Variants in GML observed in about 807,000 individuals in gnomAD.
The protein encoded by GML is glycosyl-phosphatidylinositol-anchored molecule-like protein.
Under a neutral mutation model 8.2 loss-of-function variants are expected in GML, and 5 were observed. That is an observed-to-expected ratio of 0.61 (90% CI 0.32 to 1.28). The LOEUF (loss-of-function observed/expected upper bound fraction) is 1.28, where lower values mean the gene tolerates loss of function less well. Among genes scored for constraint, GML ranks in the 50% most tolerant of loss-of-function variants. GML has a pLI of 0.06. For synonymous variants in GML, 72 were observed against 69.0 expected (o/e 1.04, Z -0.22); for missense variants, 191 against 198.3 (o/e 0.96, Z 0.22).
intron 3 of GML, among the ~76,000 whole-genome samples, chr8:142,844,688 A>C (rs1327758907): frequency 1.3e-5 from 2 of 152,232 alleles, no homozygotes; most frequent in Non-Finnish European, 2.9e-5. Flanking sequence ...TAACATACAT[A>C]AGAAAAGTTG....
chr8:142,843,232 C>G (rs895127068), intron 3 of GML, among the ~76,000 whole-genome samples: 1 of 130,672 alleles, frequency 7.7e-6, no homozygotes, highest in African/African-American at 2.9e-5. Context: ...AAACCTAAAA[C>G]TATTTTTAAA....
chr8:142,835,229 A>G (rs1858664), intron 1 of GML, among the ~76,000 whole-genome samples: 70,328 of 151,302 alleles, frequency 0.46, 17,832 homozygotes, highest in East Asian at 0.78. Flanking sequence ...AGACCCCCCA[A>G]CTATGCTCAG....
At position 142,846,650 on chromosome 8, in the gene GML, TG is replaced by T; in HGVS notation, c.438del (p.Ser147ValfsTer6). 6.2e-7 allele frequency: 1 copy of T among 1,614,078 alleles called. No individual in the cohort carries two copies. Among genetic ancestry groups the T allele is most frequent in the African/African-American group, 1.3e-5 (1 of 75,052 alleles). ...AGGCTGGGGGTATCAAAACTGTTGC[TG>T]AGTTTTGCCTCTATCATAGTCAGCA... ...TVRLGVSKLL[L>X]SFASIIVSNI... On this transcript the variant is annotated frameshift_variant, in exon 4 of 4. Coordinates refer to ENST00000220940, the MANE Select transcript of GML (RefSeq NM_002066.3). LOFTEE classifies it low-confidence loss of function (END_TRUNC).
In GML at chr8:142,838,524, A is replaced by G. The variant is rs77822811; in HGVS notation, c.-22-1892A>G. Among the ~76,000 whole-genome samples the G allele has an allele frequency of 5.2e-3, 797 of 152,152 alleles. 5 individuals are homozygous for G. Among genetic ancestry groups the G allele is most frequent in the African/African-American group, 0.017 (717 of 41,488 alleles). ...GTGGTTTTTGTGTCTGGGGTTTATG[A>G]TCACACAGTCATACACGTTCTAACT... On this transcript the variant is annotated intron_variant, in intron 1 of 3. Coordinates refer to ENST00000220940, the MANE Select transcript of GML (RefSeq NM_002066.3).
chr8:142,842,246 C>T (rs959030687), intron 3 of GML, among the ~76,000 whole-genome samples: 1 of 152,204 alleles, frequency 6.6e-6, no homozygotes, highest in African/African-American at 2.4e-5. Flanking sequence ...GAGGCCTCCC[C>T]AGCCACGCGG....
At chr8:142,836,593 T>G (rs1455899163) in intron 1 of GML, among the ~76,000 whole-genome samples, 1 of 152,266 alleles carries the variant, frequency 6.6e-6, no homozygotes, top group East Asian at 1.9e-4. Context: ...TTCCTAATTC[T>G]TACATATCCT....
intron 1 of GML, among the ~76,000 whole-genome samples, chr8:142,835,801 C>A (rs567152007): frequency 3.5e-4 from 53 of 152,304 alleles, no homozygotes; most frequent in African/African-American, 1.3e-3. Context: ...TCCTTGTCAC[C>A]TCTTGCAATG....
intron 1 of GML, among the ~76,000 whole-genome samples, chr8:142,838,559 C>G (rs534927465): frequency 6.6e-6 from 1 of 152,182 alleles, no homozygotes; most frequent in Non-Finnish European, 1.5e-5. Flanking sequence ...TCCAGACTGA[C>G]TGTTGAGAAA....
intron 3 of GML, 81 bp from the exon 4 acceptor site, chr8:142,846,314 T>G (rs1294073621): frequency 1.2e-6 from 1 of 848,228 alleles, no homozygotes; most frequent in African/African-American, 1.7e-5. Flanking sequence ...TAATTATGGT[T>G]GAATGTGAGG....
chr8:142,842,246 C>A (rs959030687), intron 3 of GML, among the ~76,000 whole-genome samples: 3 of 152,204 alleles, frequency 2.0e-5, no homozygotes, highest in Non-Finnish European at 4.4e-5. Context: ...GAGGCCTCCC[C>A]AGCCACGCGG....
In GML at chr8:142,846,434, C is replaced by T. The variant is rs781312085; in HGVS notation, c.221C>T (p.Thr74Ile). 1 of 1,611,636 alleles carries T rather than the reference C, an allele frequency of 6.2e-7. No individual in the cohort carries two copies. Among genetic ancestry groups the T allele is most frequent in the South Asian group, 1.1e-5 (1 of 91,028 alleles). Reference sequence around the variant, plus strand: ...GAACTACTTGTTTATAAGAACTGTACAAACAACTGCACATTTGTATATGCA... The same window carrying T: ...GAACTACTTGTTTATAAGAACTGTATAAACAACTGCACATTTGTATATGCA... ...SRELLVYKNC[T>I]NNCTFVYAAE... The change falls in exon 4 of 4, where the codon ACA becomes ATA. Residue 74 changes from threonine (T) to isoleucine (I), a missense_variant. Coordinates refer to ENST00000220940, the MANE Select transcript of GML (RefSeq NM_002066.3).
chr8:142,837,164 T>C (rs1264392301), intron 1 of GML, among the ~76,000 whole-genome samples: 4 of 151,988 alleles, frequency 2.6e-5, no homozygotes, highest in Non-Finnish European at 5.9e-5. Flanking sequence ...CGTAGTGGCG[T>C]GCGCCCATAG....
At chr8:142,837,696 C>T (rs1286661258) in intron 1 of GML, among the ~76,000 whole-genome samples, 1 of 145,054 alleles carries the variant, frequency 6.9e-6, no homozygotes, top group Admixed American at 6.9e-5. Context: ...TTGACTTTCC[C>T]CTTGAACCTC....
Position 142,846,399 on chromosome 8 carries a change from A to G in GML, c.186A>G (p.Ile62Met). ...CATTGCTGCTTCTTTTTTTAGGCAT[A>G]AATTCTCGTGAACTACTTGTTTATA... ...IRRCMTISIRINSRELLVYKN... is the reference protein window; with the variant it reads ...IRRCMTISIRMNSRELLVYKN... The change falls in exon 4 of 4, where the codon ATA (isoleucine) becomes ATG (methionine). Residue 62 changes from isoleucine (I) to methionine (M), a missense_variant. By Grantham distance (10) the Ile-to-Met change is conservative. Coordinates refer to ENST00000220940, the MANE Select transcript of GML (RefSeq NM_002066.3). 1.9e-6 allele frequency: 3 copies of G among 1,582,068 alleles called. No individual in the cohort carries two copies. In the South Asian group the frequency reaches 3.5e-5, roughly 18 times the overall value.
At chr8:142,838,415 G>A (rs763669791) in intron 1 of GML, among the ~76,000 whole-genome samples, 2 of 152,094 alleles carry the variant, frequency 1.3e-5, no homozygotes, top group Non-Finnish European at 2.9e-5. Flanking sequence ...CCGGAGACTC[G>A]GGGTCTGAGT....
In GML at chr8:142,846,380, T is replaced by G. The variant is rs1476006448; in HGVS notation, c.182-15T>G. 6.5e-7 allele frequency: 1 copy of G among 1,548,378 alleles called. No individual in the cohort carries two copies. The highest frequency in any genetic ancestry group is 8.9e-7 in the Non-Finnish European group (1 of 1,128,618). On this transcript the variant is annotated splice_polypyrimidine_tract_variant and intron_variant, in intron 3 of 3. Transcript: ENST00000220940. Reference sequence around the variant, plus strand: ...ATGTGAAATCAATTATTTTCATTGCTGCTTCTTTTTTTAGGCATAAATTCT... The same window carrying G: ...ATGTGAAATCAATTATTTTCATTGCGGCTTCTTTTTTTAGGCATAAATTCT...
chr8:142,837,006 G>T (rs1287177249), intron 1 of GML, among the ~76,000 whole-genome samples: 1 of 152,196 alleles, frequency 6.6e-6, no homozygotes, highest in East Asian at 1.9e-4. Context: ...CAAAGAGAAG[G>T]ATTTTTAAAA....
intron 3 of GML, among the ~76,000 whole-genome samples, chr8:142,846,103 C>T (rs553822369): frequency 3.9e-5 from 6 of 152,258 alleles, no homozygotes; most frequent in Non-Finnish European, 7.4e-5. Flanking sequence ...CATTTCATTG[C>T]GTGTAGCTAC....
Position 142,846,585 on chromosome 8 carries a change from C to T in GML, c.372C>T (p.Pro124=), listed in dbSNP as rs780265738. The T allele has an allele frequency of 1.4e-5, 22 of 1,613,336 alleles. No individual in the cohort carries two copies. Among genetic ancestry groups the T allele is most frequent in the South Asian group, 2.2e-5 (2 of 91,064 alleles). ...CTAATCTTGAAAGGGACATGTTACCCGATGAAGTAACTGAGGAGGAGCTTC... is the reference window on the plus strand; with the variant it reads ...CTAATCTTGAAAGGGACATGTTACCTGATGAAGTAACTGAGGAGGAGCTTC... ...GPTNLERDML[P]DEVTEEELPE... Residue 124 remains proline, a synonymous_variant, in exon 4 of 4, where the codon CCC becomes CCT. Coordinates refer to ENST00000220940, the MANE Select transcript of GML (RefSeq NM_002066.3).
Sources: gnomAD v4.1 joint callset for allele counts (sites outside exome capture counted in the v4.1 genomes callset) on GRCh38, gnomAD v4.1.1 for gene constraint, MANE v1.5 for transcripts, NCBI Gene and HGNC (gene_info 2026-07-23, HGNC 2026-07-21) for gene names.